The following LAMA1 variants were observed in gnomAD, a reference collection of about 807,000 sequenced individuals.
LAMA1 encodes the protein laminin subunit alpha-1.
In LAMA1, 219 loss-of-function variants were observed where a neutral mutation model predicts 348.7. The observed-to-expected ratio is 0.63, with a 90% CI of 0.56 to 0.70. The LOEUF (loss-of-function observed/expected upper bound fraction) is 0.70, where lower values mean the gene tolerates loss of function less well. Among genes scored for constraint, LAMA1 ranks in the 30% least tolerant of loss-of-function variants. LAMA1 has a pLI of 0.00. For missense variants in LAMA1, 3,744 were observed against 3,888.0 expected (o/e 0.96, Z 0.99); for synonymous variants, 1,487 against 1,491.0 (o/e 1.00, Z 0.06).
intron 16 of LAMA1, among the ~76,000 whole-genome samples, chr18:7,026,911 G>A (rs946162071): frequency 1.9e-4 from 29 of 151,812 alleles, no homozygotes; most frequent in African/African-American, 6.3e-4. Context: ...GCAGAATGGC[G>A]TGAACCTGGG....
At position 6,975,958 on chromosome 18, in the gene LAMA1, G is replaced by C. The variant is rs754182875; in HGVS notation, c.6468C>G (p.Phe2156Leu). ...TTACAGCGGTGCTGCTACCGAGGTAGAAGAGAAGATTATCGGGTTCCTGTG... is the reference window on the plus strand; with the variant it reads ...TTACAGCGGTGCTGCTACCGAGGTACAAGAGAAGATTATCGGGTTCCTGTG... ...VKTQEPDNLL[F>L]YLGSSTASDF... Residue 2156 changes from phenylalanine to leucine, a missense_variant, in exon 45 of 63, where the codon TTC (phenylalanine) becomes TTG (leucine). Phe to Leu is a conservative substitution (Grantham distance 22, BLOSUM62 0). This residue lies in a region of LAMA1 where 1,983 missense variants were observed against 1,934.3 expected (regional missense o/e 1.03). Transcript: ENST00000389658. The C allele has an allele frequency of 2.5e-6, 4 of 1,614,058 alleles. No homozygotes were observed. The highest frequency in any genetic ancestry group is 3.3e-5 in the Admixed American group (2 of 59,998).
intron 40 of LAMA1, 84 bp from the exon 41 acceptor site, chr18:6,982,674 T>A: frequency 9.0e-7 from 1 of 1,108,578 alleles, no homozygotes; most frequent in Non-Finnish European, 1.4e-6. Flanking sequence ...TCCATCAGAG[T>A]AGCCCCCAGA....
At chr18:7,010,439 C>T in intron 25 of LAMA1, 54 bp from the exon 26 acceptor site, 1 of 1,501,230 alleles carries the variant, frequency 6.7e-7, no homozygotes, top group Non-Finnish European at 9.2e-7. Context: ...CATTCAAAAA[C>T]ATTTTATTGC....
chr18:7,098,914 C>T (rs1371530148), intron 1 of LAMA1, among the ~76,000 whole-genome samples: 1 of 151,246 alleles, frequency 6.6e-6, no homozygotes, highest in Non-Finnish European at 1.5e-5. Context: ...CCGGCCGCCC[C>T]TACTGGGAAG....
intron 1 of LAMA1, among the ~76,000 whole-genome samples, chr18:7,100,503 A>AT (rs2058287339): frequency 6.6e-6 from 1 of 152,194 alleles, no homozygotes; most frequent in Non-Finnish European, 1.5e-5. Context: ...CCTATATCTA[A>AT]ACAAAGAATT....
intron 14 of LAMA1, among the ~76,000 whole-genome samples, chr18:7,033,826 C>T (rs984669261): frequency 1.3e-5 from 2 of 152,106 alleles, no homozygotes; most frequent in African/African-American, 4.8e-5. Flanking sequence ...CGTGCACCTC[C>T]TGGGTTCAAA....
chr18:6,948,305 C>T (rs2057531093), intron 60 of LAMA1, 98 bp downstream of exon 60: 2 of 1,506,690 alleles, frequency 1.3e-6, no homozygotes, highest in South Asian at 2.3e-5. Context: ...TTTCCTGCAG[C>T]CTTGTCCAGT....
chr18:6,965,273 C>T lies in LAMA1; in HGVS notation c.7195+15G>A. ...GAGGGTGACCGACATCTGGTGAGTC[C>T]ATCTGTGTCCCTACCTTGCTTCCGG... On this transcript the variant is annotated intron_variant, in intron 50 of 62. Transcript: ENST00000389658. The T allele has an allele frequency of 6.2e-7, 1 of 1,614,098 alleles. No homozygotes were observed. Among genetic ancestry groups the T allele is most frequent in the South Asian group, 1.1e-5 (1 of 91,088 alleles).
At chr18:6,943,550 T>C in intron 61 of LAMA1, 148 bp from the exon 62 acceptor site, 1 of 736,610 alleles carries the variant, frequency 1.4e-6, no homozygotes, top group Non-Finnish European at 2.4e-6. Flanking sequence ...AGTAACCTTT[T>C]AAAGGATTCA....
At chr18:7,114,041 C>G (rs986985071) in intron 1 of LAMA1, among the ~76,000 whole-genome samples, 1 of 146,460 alleles carries the variant, frequency 6.8e-6, no homozygotes, top group Admixed American at 7.1e-5. Flanking sequence ...CGTGCCACTG[C>G]ACTCCAGCCT....
intron 3 of LAMA1, among the ~76,000 whole-genome samples, chr18:7,056,439 A>G (rs1447999319): frequency 1.3e-5 from 2 of 152,206 alleles, no homozygotes; most frequent in African/African-American, 2.4e-5. Flanking sequence ...CTTTATACAT[A>G]TATCATCACA....
chr18:7,061,010 T>C (rs1447587828), intron 3 of LAMA1, among the ~76,000 whole-genome samples: 1 of 151,928 alleles, frequency 6.6e-6, no homozygotes, highest in Non-Finnish European at 1.5e-5. Context: ...ACAAAAAAAA[T>C]CATGCAGGCA....
chr18:6,966,014 C>CATATGCTAGTATTAAT, intron 49 of LAMA1, 133 bp downstream of exon 49: 5 of 892,536 alleles, frequency 5.6e-6, no homozygotes, highest in Non-Finnish European at 8.8e-6. Context: ...TTAATACTAG[C>CATATGCTAGTATTAAT]ATATGCTCAT....
Position 7,015,703 on chromosome 18 carries a change from C to A in LAMA1, c.3126+19G>T, listed in dbSNP as rs369112310. ...AAAGCAACTCTCAGTTAAGCAAGAG[C>A]GTGGATGACAGTGCTCACCTGGCAC... On this transcript the variant is annotated intron_variant, in intron 22 of 62. Transcript: ENST00000389658. The A allele has an allele frequency of 1.9e-5, 30 of 1,612,892 alleles. No homozygotes were observed. In the African/African-American group the frequency reaches 3.9e-4, roughly 21 times the overall value.
rs563357395 is a variant in LAMA1 at position 6,976,042 on chromosome 18, C to T, written c.6384G>A (p.Arg2128=). ...VAVSADRDCI[R]AYQPQISSTN... ...TAGAGGAAATCTGAGGCTGGTAGGC[C>T]CGGATGCAATCTCTGTCTGCAGACA... The change falls in exon 45 of 63, where the codon CGG becomes CGA. Residue 2128 remains arginine (R), a synonymous_variant. Transcript: ENST00000389658. The T allele has an allele frequency of 3.0e-5, 48 of 1,614,024 alleles. 1 individual carries two copies. In the South Asian group the frequency reaches 4.9e-4, roughly 17 times the overall value.
At chr18:7,004,305 C>T (rs574170528) in intron 29 of LAMA1, among the ~76,000 whole-genome samples, 16 of 152,294 alleles carry the variant, frequency 1.1e-4, no homozygotes, top group Admixed American at 7.2e-4. Flanking sequence ...CCCAGGCTAC[C>T]GCCCTTGTCC....
intron 1 of LAMA1, among the ~76,000 whole-genome samples, chr18:7,083,331 G>A (rs1276570297): frequency 6.6e-6 from 1 of 151,244 alleles, no homozygotes; most frequent in Non-Finnish European, 1.5e-5. Context: ...GATTACACAT[G>A]CGCACCACCA....
intron 56 of LAMA1, 54 bp from the exon 57 acceptor site, chr18:6,955,519 GAC>G (rs755631202): frequency 1.5e-6 from 2 of 1,304,874 alleles, no homozygotes; most frequent in African/African-American, 1.5e-5. Context: ...GAACCCCACT[GAC>G]ACACGCGTGT....
At chr18:6,954,767 C>A in intron 57 of LAMA1, 6 of 182,872 alleles carry the variant, frequency 3.3e-5, no homozygotes, top group South Asian at 1.2e-4. Flanking sequence ...CCAATGACAA[C>A]AAGACGGGCA....
Sources: gnomAD v4.1 joint callset for allele counts (sites outside exome capture counted in the v4.1 genomes callset) on GRCh38, gnomAD v4.1.1 for gene constraint, gnomAD v4.1.1 regional missense constraint, MANE v1.5 for transcripts, NCBI Gene and HGNC (gene_info 2026-07-23, HGNC 2026-07-21) for gene names.